Variants in NR2C1 observed in about 807,000 individuals in gnomAD.
The protein encoded by NR2C1 is nuclear receptor subfamily 2 group C member 1.
NR2C1 carries 33 observed loss-of-function variants against 74.8 expected under a neutral mutation model. The ratio of observed to expected loss-of-function variants is 0.44; its 90% CI spans 0.33 to 0.59. NR2C1 has a LOEUF of 0.59. Among genes scored for constraint, NR2C1 ranks in the 20% least tolerant of loss-of-function variants. NR2C1 has a pLI of 0.02. For missense variants in NR2C1, 568 were observed against 715.6 expected (o/e 0.79, Z 2.35); for synonymous variants, 225 against 240.6 (o/e 0.94, Z 0.60).
At position 95,064,095 on chromosome 12, in the gene NR2C1, C is replaced by T. The variant is rs1454449023; in HGVS notation, c.55-1357G>A. On this transcript the variant is annotated intron_variant, in intron 2 of 13. Transcript: ENST00000333003. ...CTATAACCCCAGCACTTTGGGAGGC[C>T]GAGGCGGGCAACTCATGAGGTCAGG... Among the ~76,000 whole-genome samples the T allele has an allele frequency of 1.3e-4, 19 of 148,918 alleles. 4 individuals are homozygous for T. Among genetic ancestry groups the T allele is most frequent in the Admixed American group, 7.4e-4 (11 of 14,854 alleles).
chr12:95,065,841 T>C (rs1875599689), intron 2 of NR2C1, among the ~76,000 whole-genome samples: 2 of 151,448 alleles, frequency 1.3e-5, no homozygotes. Context: ...TCCCAGCTAC[T>C]CAGGAGGCTG....
chr12:95,053,119 G>A lies in NR2C1; in HGVS notation c.784-1176C>T, dbSNP rs145755169. On this transcript the variant is annotated intron_variant, in intron 7 of 13. Transcript: ENST00000333003. Reference sequence around the variant, plus strand: ...CCACCTCAGCCTCCTGACTACGGGCGCATACCACCATGTCCAGCTAATTTT... The same window carrying A: ...CCACCTCAGCCTCCTGACTACGGGCACATACCACCATGTCCAGCTAATTTT... Among the ~76,000 whole-genome samples, 112 of 151,908 alleles carry A rather than the reference G, an allele frequency of 7.4e-4. 1 individual carries two copies. Among genetic ancestry groups the A allele is most frequent in the East Asian group, 4.7e-3 (24 of 5,148 alleles).
chr12:95,047,534 A>G (rs974636627), intron 9 of NR2C1, among the ~76,000 whole-genome samples: 4 of 152,166 alleles, frequency 2.6e-5, no homozygotes, highest in Non-Finnish European at 1.5e-5. Context: ...ATAGATACAA[A>G]TATTACTTTG....
At chr12:95,022,985 G>C (rs1369224062) in intron 13 of NR2C1, among the ~76,000 whole-genome samples, 1 of 151,570 alleles carries the variant, frequency 6.6e-6, no homozygotes, top group Non-Finnish European at 1.5e-5. Flanking sequence ...TTATAAGCGT[G>C]AGCCATTGTG....
At chr12:95,071,812 G>A (rs1014830816) in intron 1 of NR2C1, among the ~76,000 whole-genome samples, 5 of 150,090 alleles carry the variant, frequency 3.3e-5, no homozygotes, top group East Asian at 2.0e-4. Context: ...GCAATGGCGC[G>A]ATCTCAGCTC....
intron 2 of NR2C1, among the ~76,000 whole-genome samples, chr12:95,065,030 TA>T (rs1004183975): frequency 6.6e-6 from 1 of 152,198 alleles, no homozygotes; most frequent in African/African-American, 2.4e-5. Context: ...ACATTCTGCT[TA>T]AATGAGTAAA....
intron 7 of NR2C1, among the ~76,000 whole-genome samples, chr12:95,054,771 T>C (rs1218428509): frequency 1.3e-5 from 2 of 152,240 alleles, no homozygotes; most frequent in Non-Finnish European, 2.9e-5. Flanking sequence ...TATTTTATTT[T>C]TTTATTGATC....
At chr12:95,030,935 G>C (rs1279955751) in intron 11 of NR2C1, 2 of 1,238,552 alleles carry the variant, frequency 1.6e-6, no homozygotes, top group Non-Finnish European at 1.2e-6. Context: ...ATTTAGGTGA[G>C]AGAATACACT....
chr12:95,032,516 C>T (rs1301957415), intron 10 of NR2C1, among the ~76,000 whole-genome samples: 1 of 151,444 alleles, frequency 6.6e-6, no homozygotes, highest in South Asian at 2.1e-4. Context: ...AAACATTAGC[C>T]GAGCATAGTG....
intron 10 of NR2C1, among the ~76,000 whole-genome samples, chr12:95,032,384 G>A (rs1271199167): frequency 6.6e-6 from 1 of 151,746 alleles, no homozygotes; most frequent in African/African-American, 2.4e-5. Flanking sequence ...TGTGAACCTG[G>A]GAGGCAGAGC....
rs1675805216 is a variant in NR2C1 at position 95,059,997 on chromosome 12, A to C, written c.286-13T>G. On this transcript the variant is annotated splice_polypyrimidine_tract_variant and intron_variant, in intron 3 of 13. Transcript: ENST00000333003. ...TATCTGTTAGGAGCTAAAAAAAAAA[A>C]AAAAAAAAAAGAAAACAAAAACGAA... is the stretch of plus-strand genomic sequence containing the variant. The C allele has an allele frequency of 1.3e-6, 2 of 1,550,590 alleles. No individual in the cohort carries two copies. The highest frequency in any genetic ancestry group is 2.4e-5 in the South Asian group (2 of 82,152).
In NR2C1 at chr12:95,020,407, T is replaced by G. The variant is rs1868669069; in HGVS notation, c.*1822A>C. 1 of 152,186 alleles carries G rather than the reference T, an allele frequency of 6.6e-6. No individual in the cohort carries two copies. Among genetic ancestry groups the G allele is most frequent in the African/African-American group, 2.4e-5 (1 of 41,444 alleles). 9.4% of individuals were successfully genotyped at this position (152,186 alleles called of 1,614,324 possible). ...TTATTTTAAAGGATTATTTCCCTGA[T>G]TCCTTGGCTTACTAAACTGTATTTA... On this transcript the variant is annotated 3_prime_UTR_variant, in exon 14 of 14. Transcript: ENST00000333003.
intron 9 of NR2C1, among the ~76,000 whole-genome samples, chr12:95,045,837 ATC>A (rs1416007864): frequency 6.6e-6 from 1 of 152,044 alleles, no homozygotes; most frequent in Non-Finnish European, 1.5e-5. Context: ...TTTAATAAAA[ATC>A]TTTTTCTTTT....
At chr12:95,059,878 G>C (rs758256670) in intron 4 of NR2C1, 28 bp downstream of exon 4, 1 of 1,468,868 alleles carries the variant, frequency 6.8e-7, no homozygotes, top group Admixed American at 2.3e-5. Context: ...TTTTTTTTCT[G>C]TTTTTAGGAG....
In NR2C1 at chr12:95,046,604, A is replaced by T. The variant is rs1477623904; in HGVS notation, c.1131+2464T>A. 3.3e-5 allele frequency among the ~76,000 whole-genome samples: 5 copies of T among 152,192 alleles called. No individual in the cohort carries two copies. In the South Asian group the frequency reaches 1.0e-3, roughly 31 times the overall value. On this transcript the variant is annotated intron_variant, in intron 9 of 13. Coordinates refer to ENST00000333003, the MANE Select transcript of NR2C1 (RefSeq NM_003297.4). ...CTATCTCACAAAGAAAAAAAAAATT[A>T]AAAATTCTAACCTCAGCTTATGTGG...
rs776491580 is a variant in NR2C1, at chr12:95,051,919, T to G, written c.808A>C (p.Ser270Arg). 1 of 1,592,024 alleles carries G rather than the reference T, an allele frequency of 6.3e-7. No individual in the cohort carries two copies. Among genetic ancestry groups the G allele is most frequent in the South Asian group, 1.1e-5 (1 of 87,568 alleles). ...GATGTAACCACATTGGCCAATGTAC[T>G]TAAATCTCCCTGACATGATTCAGCC... is the stretch of plus-strand genomic sequence containing the variant. ...DKAESCQGDL[S>R]TLANVVTSLA... Residue 270 changes from serine (S) to arginine (R), a missense_variant, in exon 8 of 14, where the codon AGT (serine) becomes CGT (arginine). Ser to Arg is a moderately radical substitution (Grantham distance 110, BLOSUM62 -1). This residue lies in a region of NR2C1 where 239 missense variants were observed against 232.3 expected (regional missense o/e 1.03). Transcript: ENST00000333003.
Position 95,057,820 on chromosome 12 carries a change from G to A in NR2C1, c.603C>T (p.Ala201=), listed in dbSNP as rs774988998. 2.8e-5 allele frequency: 45 copies of A among 1,613,756 alleles called. No individual in the cohort carries two copies. The highest frequency in any genetic ancestry group is 6.7e-5 in the East Asian group (3 of 44,886). Residue 201 remains alanine (A), a synonymous_variant, in exon 6 of 14, where the codon GCC becomes GCT. Transcript: ENST00000333003. ...GGATATAGATTTTTTCTGTTGAAGCGGCACAGTTGGAAGATTTTTCTCGTG... is the reference window on the plus strand; with the variant it reads ...GGATATAGATTTTTTCTGTTGAAGCAGCACAGTTGGAAGATTTTTCTCGTG... ...EVSREKSSNC[A]ASTEKIYIRK...
intron 13 of NR2C1, among the ~76,000 whole-genome samples, chr12:95,024,650 C>T (rs1481845721): frequency 2.0e-5 from 3 of 152,000 alleles, no homozygotes; most frequent in African/African-American, 4.8e-5. Context: ...CAGATTGGAG[C>T]GTAGGAGTAT....
At chr12:95,069,695 A>T (rs1013323096) in intron 1 of NR2C1, among the ~76,000 whole-genome samples, 33 of 152,226 alleles carry the variant, frequency 2.2e-4, no homozygotes, top group African/African-American at 7.0e-4. Context: ...GGCAACACAC[A>T]CATTCCTTTT....
Sources: allele counts gnomAD v4.1 joint callset (sites outside exome capture counted in the v4.1 genomes callset), GRCh38; gene constraint gnomAD v4.1.1; regional missense constraint gnomAD v4.1.1; transcripts MANE v1.5; gene names NCBI Gene and HGNC (gene_info 2026-07-23, HGNC 2026-07-21).